Variants in TPST1 observed in about 807,000 individuals in gnomAD.
The protein encoded by TPST1 is tyrosylprotein sulfotransferase 1, also known as protein-tyrosine sulfotransferase 1.
Under a neutral mutation model 34.8 loss-of-function variants are expected in TPST1, and 20 were observed. The ratio of observed to expected loss-of-function variants is 0.57; its 90% CI spans 0.40 to 0.84. The LOEUF (loss-of-function observed/expected upper bound fraction) is 0.84, where lower values mean the gene tolerates loss of function less well. Among genes scored for constraint, TPST1 ranks in the 40% least tolerant of loss-of-function variants. The probability of loss-of-function intolerance (pLI) is 0.00; values close to 1 mark genes in which losing one functional copy is unlikely to be tolerated. For missense variants in TPST1, 353 were observed against 455.5 expected (o/e 0.78, Z 2.05); for synonymous variants, 152 against 159.4 (o/e 0.95, Z 0.35).
At chr7:66,238,994 C>G (rs1481651288) in intron 1 of TPST1, among the ~76,000 whole-genome samples, 1 of 152,220 alleles carries the variant, frequency 6.6e-6, no homozygotes, top group African/African-American at 2.4e-5. Flanking sequence ...TCTTACCTGT[C>G]CTTCTGAGGA....
At chr7:66,342,280 G>A (rs1007616504) in intron 3 of TPST1, among the ~76,000 whole-genome samples, 1 of 152,086 alleles carries the variant, frequency 6.6e-6, no homozygotes, top group Non-Finnish European at 1.5e-5. Flanking sequence ...AAAACTGGAG[G>A]GAATGGTGCA....
chr7:66,341,769 A>G (rs567045854), intron 3 of TPST1, among the ~76,000 whole-genome samples: 78 of 152,358 alleles, frequency 5.1e-4, no homozygotes, highest in African/African-American at 8.9e-4. Flanking sequence ...TGTACCTCGG[A>G]GATAACAAAA....
chr7:66,357,410 A>G (rs1197054990), intron 5 of TPST1, among the ~76,000 whole-genome samples: 1 of 152,128 alleles, frequency 6.6e-6, no homozygotes, highest in Admixed American at 6.5e-5. Context: ...CCCTACTGCA[A>G]TTTTTGTTTG....
intron 3 of TPST1, among the ~76,000 whole-genome samples, chr7:66,294,706 A>G (rs1791157159): frequency 6.6e-6 from 1 of 151,978 alleles, no homozygotes; most frequent in Non-Finnish European, 1.5e-5. Flanking sequence ...TCCCACCTAG[A>G]CACATACACA....
chr7:66,316,044 A>C (rs1331244501), intron 3 of TPST1, among the ~76,000 whole-genome samples: 3 of 151,442 alleles, frequency 2.0e-5, no homozygotes, highest in Non-Finnish European at 4.4e-5. Flanking sequence ...CAGGATGCGG[A>C]GGTTGCGGTG....
intron 2 of TPST1, among the ~76,000 whole-genome samples, chr7:66,262,903 G>C (rs545602902): frequency 1.3e-5 from 2 of 152,210 alleles, no homozygotes; most frequent in East Asian, 3.9e-4. Context: ...TTCAAGACCA[G>C]CCTGGCCAAC....
chr7:66,345,837 A>G (rs1208706888), intron 3 of TPST1, among the ~76,000 whole-genome samples: 1 of 152,100 alleles, frequency 6.6e-6, no homozygotes, highest in Non-Finnish European at 1.5e-5. Flanking sequence ...CAAACCATCT[A>G]GTTATACTCT....
intron 2 of TPST1, among the ~76,000 whole-genome samples, chr7:66,258,678 G>A (rs930178418): frequency 9.2e-5 from 14 of 152,146 alleles, no homozygotes; most frequent in Admixed American, 9.2e-4. Context: ...AGCTGCCTGC[G>A]ATGCGTTTCT....
chr7:66,251,376 C>T (rs1790258328), intron 2 of TPST1, among the ~76,000 whole-genome samples: 1 of 152,162 alleles, frequency 6.6e-6, no homozygotes, highest in East Asian at 1.9e-4. Flanking sequence ...CAAAGTGGTA[C>T]TTATTAGTAT....
intron 3 of TPST1, among the ~76,000 whole-genome samples, chr7:66,351,145 G>C (rs1661551396): frequency 6.6e-6 from 1 of 152,030 alleles, no homozygotes. Flanking sequence ...TAAGATCATT[G>C]ATTTGTTTTA....
At chr7:66,266,100 C>A (rs541341425) in intron 2 of TPST1, among the ~76,000 whole-genome samples, 1 of 152,070 alleles carries the variant, frequency 6.6e-6, no homozygotes, top group Non-Finnish European at 1.5e-5. Flanking sequence ...TAGCACTGGC[C>A]CAAGCTGGTT....
In TPST1 at chr7:66,286,055, G is replaced by A. The variant is rs535362972; in HGVS notation, c.846-456G>A. 3.9e-5 allele frequency among the ~76,000 whole-genome samples: 6 copies of A among 152,312 alleles called. No individual in the cohort carries two copies. The South Asian group carries it at 1.0e-3, about 26-fold the overall frequency. ...AGAATTGAAAGACTTATACCCACCA[G>A]CTAGATTGTGCCATTAACATGTTGC... On this transcript the variant is annotated intron_variant, in intron 2 of 5. Coordinates refer to ENST00000304842, the MANE Select transcript of TPST1 (RefSeq NM_003596.4).
chr7:66,331,770 G>A (rs1791999567), intron 3 of TPST1, among the ~76,000 whole-genome samples: 1 of 151,976 alleles, frequency 6.6e-6, no homozygotes, highest in Non-Finnish European at 1.5e-5. Flanking sequence ...TTAGTTATCA[G>A]TACTTGCCCA....
In TPST1 at chr7:66,359,945, C is replaced by T. The variant is rs1309378660; in HGVS notation, c.*80C>T. 5 of 456,598 alleles carry T rather than the reference C, an allele frequency of 1.1e-5. No homozygotes were observed. The highest frequency in any genetic ancestry group is 2.2e-5 in the Non-Finnish European group (5 of 226,978). 28.3% of individuals were successfully genotyped at this position (456,598 alleles called of 1,614,324 possible). A position where few individuals can be genotyped will look rare whatever the true frequency, so the allele number is the denominator to read the frequency against. On this transcript the variant is annotated 3_prime_UTR_variant, in exon 6 of 6. Coordinates refer to ENST00000304842, the MANE Select transcript of TPST1 (RefSeq NM_003596.4). ...AGGGAAATTCCTAGGATTGGCTGTC[C>T]CCTGCCAAGCTTGGTGGAGCGTCTG...
intron 2 of TPST1, among the ~76,000 whole-genome samples, chr7:66,250,288 G>T (rs1240195756): frequency 6.6e-6 from 1 of 152,198 alleles, no homozygotes; most frequent in Non-Finnish European, 1.5e-5. Context: ...TGAGGAGCTT[G>T]TCCTCCGTCC....
chr7:66,314,292 T>G (rs1271298336), intron 3 of TPST1, among the ~76,000 whole-genome samples: 3 of 152,194 alleles, frequency 2.0e-5, no homozygotes, highest in African/African-American at 7.2e-5. Flanking sequence ...CCCAACACTT[T>G]GGGAGGCAGA....
At chr7:66,301,911 A>T (rs1791326177) in intron 3 of TPST1, among the ~76,000 whole-genome samples, 1 of 152,202 alleles carries the variant, frequency 6.6e-6, no homozygotes, top group African/African-American at 2.4e-5. Context: ...AAATGTCACC[A>T]ACAGACTTGC....
At chr7:66,327,207 A>G (rs529799559) in intron 3 of TPST1, among the ~76,000 whole-genome samples, 5 of 152,320 alleles carry the variant, frequency 3.3e-5, no homozygotes, top group Non-Finnish European at 5.9e-5. Flanking sequence ...TACTAAATAA[A>G]TAACAGCAGG....
chr7:66,309,083 A>G (rs747887848), intron 3 of TPST1, among the ~76,000 whole-genome samples: 1 of 152,124 alleles, frequency 6.6e-6, no homozygotes, highest in Non-Finnish European at 1.5e-5. Flanking sequence ...TTTTTAGTAG[A>G]GACAGGGTTT....
Sources: allele counts gnomAD v4.1 joint callset (sites outside exome capture counted in the v4.1 genomes callset), GRCh38; gene constraint gnomAD v4.1.1; transcripts MANE v1.5; gene names NCBI Gene and HGNC (gene_info 2026-07-23, HGNC 2026-07-21).